The following MED1 variants were observed in gnomAD, a reference collection of about 807,000 sequenced individuals.
MED1 encodes the protein mediator of RNA polymerase II transcription subunit 1.
Under a neutral mutation model 121.3 loss-of-function variants are expected in MED1, and 17 were observed. That is an observed-to-expected ratio of 0.14 (90% CI 0.10 to 0.21). The LOEUF (loss-of-function observed/expected upper bound fraction) is 0.21. MED1 is among the 10% of genes least tolerant of loss of function. MED1 has a pLI of 1.00. For synonymous variants in MED1, 661 were observed against 694.4 expected, an observed-to-expected ratio of 0.95 and a Z score of 0.76; for missense variants, 1,558 against 1,919.4, an observed-to-expected ratio of 0.81 and a Z score of 3.52.
intron 13 of MED1, 121 bp from the exon 14 acceptor site, chr17:39,420,039 C>T (rs1236996431): frequency 1.4e-6 from 1 of 725,598 alleles, no homozygotes; most frequent in East Asian, 2.7e-5. Flanking sequence ...TGAATGTTTT[C>T]ATCAGCTGAT....
At chr17:39,429,664 C>T (rs1291812146) in intron 9 of MED1, among the ~76,000 whole-genome samples, 1 of 143,398 alleles carries the variant, frequency 7.0e-6, no homozygotes, top group African/African-American at 2.7e-5. Context: ...CCACTGCACT[C>T]CAGCCTGGGA....
At chr17:39,418,272 G>C (rs181448601) in intron 14 of MED1, among the ~76,000 whole-genome samples, 4 of 151,558 alleles carry the variant, frequency 2.6e-5, no homozygotes, top group Admixed American at 2.6e-4. Flanking sequence ...GCCAAGCACG[G>C]TGGCACCTAT....
intron 2 of MED1, among the ~76,000 whole-genome samples, chr17:39,446,756 G>C (rs1454261590): frequency 1.3e-5 from 2 of 149,398 alleles, no homozygotes; most frequent in East Asian, 2.0e-4. Flanking sequence ...CCTGGCCACA[G>C]AGCAAGACTC....
At chr17:39,450,089 C>T (rs763657810) in intron 1 of MED1, among the ~76,000 whole-genome samples, 4 of 151,280 alleles carry the variant, frequency 2.6e-5, no homozygotes, top group African/African-American at 9.7e-5. Flanking sequence ...GCTGGGATTA[C>T]ACGCGTGAGC....
chr17:39,441,761 G>A (rs942549192), intron 3 of MED1, among the ~76,000 whole-genome samples: 8 of 151,768 alleles, frequency 5.3e-5, no homozygotes, highest in Admixed American at 3.9e-4. Flanking sequence ...GTGACACAGC[G>A]ACACTCTGTC....
In MED1 at chr17:39,432,029, TGAG is replaced by T; in HGVS notation, c.501-16_501-14del. 1 of 1,578,726 alleles carries T rather than the reference TGAG, an allele frequency of 6.3e-7. No individual in the cohort carries two copies. Reference sequence around the variant, plus strand: ...AGTCTTCAGTTTGCTGGAGAGTAGATGAGAAGAACATGAGTTAATAGTTGAAAA... The same window carrying T: ...AGTCTTCAGTTTGCTGGAGAGTAGATAAGAACATGAGTTAATAGTTGAAAA... On this transcript the variant is annotated splice_polypyrimidine_tract_variant and intron_variant, in intron 7 of 16. Transcript: ENST00000300651.
At chr17:39,415,986 T>A (rs1438087657) in intron 14 of MED1, among the ~76,000 whole-genome samples, 1 of 145,282 alleles carries the variant, frequency 6.9e-6, no homozygotes, top group Non-Finnish European at 1.5e-5. Context: ...CAACACTCTG[T>A]CTCAAAAAAA....
chr17:39,445,934 C>G (rs1352212878), intron 2 of MED1, among the ~76,000 whole-genome samples: 1 of 151,288 alleles, frequency 6.6e-6, no homozygotes, highest in South Asian at 2.1e-4. Context: ...GAGGCTGGGG[C>G]AGGAGAATCG....
At chr17:39,439,131 T>G (rs750828188) in intron 6 of MED1, 34 bp downstream of exon 6, 5 of 1,583,496 alleles carry the variant, frequency 3.2e-6, no homozygotes, top group Non-Finnish European at 3.4e-6. Flanking sequence ...GCACTGTCTG[T>G]CAATATCAAG....
intron 16 of MED1, among the ~76,000 whole-genome samples, chr17:39,412,550 T>C (rs1176764590): frequency 6.7e-6 from 1 of 150,150 alleles, no homozygotes; most frequent in African/African-American, 2.4e-5. Flanking sequence ...TTTTTTTTTT[T>C]TTCTTTGAGA....
intron 13 of MED1, among the ~76,000 whole-genome samples, 158 bp from the exon 14 acceptor site, chr17:39,420,076 T>C (rs565008092): frequency 6.6e-6 from 1 of 152,318 alleles, no homozygotes; most frequent in African/African-American, 2.4e-5. Context: ...AATTACTAAT[T>C]AGGCTGAAAA....
intron 6 of MED1, among the ~76,000 whole-genome samples, chr17:39,435,704 T>G: frequency 6.6e-6 from 1 of 152,066 alleles, no homozygotes; most frequent in East Asian, 1.9e-4. Flanking sequence ...TTTTTCTCCT[T>G]TTCTTTTTTG....
In MED1 at chr17:39,434,251, G is replaced by A. The variant is rs756374273; in HGVS notation, c.498C>T (p.Asp166=). Residue 166 remains aspartate, a splice_region_variant and synonymous_variant, in exon 7 of 17, where the codon GAC becomes GAT. Transcript: ENST00000300651. The part of the protein sequence containing the change: ...GLVNLYNLPG[D]NKLKTKMYLA... ...GCAAAAATATTAAAAATACTTACTT[G>A]TCCCCTGGAAGGTTATACAGATTAA... 2 of 1,532,722 alleles carry A rather than the reference G, an allele frequency of 1.3e-6. No individual in the cohort carries two copies. Among genetic ancestry groups the A allele is most frequent in the Admixed American group, 4.6e-5 (2 of 43,424 alleles). The allele number at this position is 1,532,722 out of a possible 1,614,324, so 94.9% of individuals were successfully genotyped here.
Position 39,424,646 on chromosome 17 carries a change from G to A in MED1, c.832C>T (p.His278Tyr), listed in dbSNP as rs1373402567. 6.3e-7 allele frequency: 1 copy of A among 1,594,292 alleles called. No individual in the cohort carries two copies. The highest frequency in any genetic ancestry group is 8.6e-7 in the Non-Finnish European group (1 of 1,166,736). The change falls in exon 11 of 17, where the codon CAT (histidine) becomes TAT (tyrosine). Residue 278 changes from histidine to tyrosine, a missense_variant. By Grantham distance (83) the His-to-Tyr change is moderately conservative (BLOSUM62 2). Coordinates refer to ENST00000300651, the MANE Select transcript of MED1 (RefSeq NM_004774.4). Reference sequence around the variant, plus strand: ...ACTTACCATTTATTGTCAACTGGATGTGACCCCATAATTAATGGTGCAATT... The same window carrying A: ...ACTTACCATTTATTGTCAACTGGATATGACCCCATAATTAATGGTGCAATT... The part of the protein sequence containing the change: ...LPIAPLIMGS[H>Y]PVDNKWTPSF...
chr17:39,439,093 C>T (rs2048647666), intron 6 of MED1, 72 bp downstream of exon 6: 5 of 1,345,628 alleles, frequency 3.7e-6, no homozygotes, highest in Non-Finnish European at 5.2e-6. Flanking sequence ...AACTTCTGAC[C>T]AGTCTTAAAA....
At chr17:39,437,200 G>A (rs1319826889) in intron 6 of MED1, among the ~76,000 whole-genome samples, 2 of 152,152 alleles carry the variant, frequency 1.3e-5, no homozygotes, top group Admixed American at 6.6e-5. Flanking sequence ...CCAAAGTGCT[G>A]GGATTACAGG....
chr17:39,406,380 T>C lies in MED1; in HGVS notation c.*1095A>G. On this transcript the variant is annotated 3_prime_UTR_variant, in exon 17 of 17. Transcript: ENST00000300651. ...GAAGAGAAACAGTGAGTCCAGCTCT[T>C]AGGAATGGCATCAGTTCTCCTGCAA... 1 of 985,534 alleles carries C rather than the reference T, an allele frequency of 1.0e-6. No individual in the cohort carries two copies. Among genetic ancestry groups the C allele is most frequent in the Non-Finnish European group, 1.2e-6 (1 of 829,918 alleles). 61.0% of individuals were successfully genotyped at this position (985,534 alleles called of 1,614,324 possible).
At chr17:39,448,385 GA>G (rs938450300) in intron 1 of MED1, among the ~76,000 whole-genome samples, 1 of 150,468 alleles carries the variant, frequency 6.6e-6, no homozygotes, top group Non-Finnish European at 1.5e-5. Flanking sequence ...AAAAAAGAAA[GA>G]AAAAAATTAG....
At chr17:39,420,642 T>G (rs930110568) in intron 13 of MED1, among the ~76,000 whole-genome samples, 6 of 151,966 alleles carry the variant, frequency 3.9e-5, no homozygotes, top group African/African-American at 1.5e-4. Context: ...TTATTATTAT[T>G]ATTACTTTTG....
Sources: gnomAD v4.1 joint callset for allele counts (sites outside exome capture counted in the v4.1 genomes callset) on GRCh38, gnomAD v4.1.1 for gene constraint, MANE v1.5 for transcripts, NCBI Gene and HGNC (gene_info 2026-07-23, HGNC 2026-07-21) for gene names.